LSAMP: variants seen among roughly 807,000 people sequenced by gnomAD.
LSAMP encodes the protein limbic system associated membrane protein.
Under a neutral mutation model 38.6 loss-of-function variants are expected in LSAMP, and 7 were observed. The observed-to-expected ratio is 0.18, with a 90% CI of 0.10 to 0.34. The LOEUF (loss-of-function observed/expected upper bound fraction) is 0.34, where lower values mean the gene tolerates loss of function less well. Among genes scored for constraint, LSAMP ranks in the 10% least tolerant of loss-of-function variants. The pLI, the probability that LSAMP is intolerant of heterozygous loss-of-function variation, is 1.00. For missense variants in LSAMP, 313 were observed against 420.0 expected (o/e 0.75, Z 2.23); for synonymous variants, 154 against 166.8 (o/e 0.92, Z 0.59).
At chr3:116,034,235 C>T (rs965349103) in intron 2 of LSAMP, among the ~76,000 whole-genome samples, 1 of 152,076 alleles carries the variant, frequency 6.6e-6, no homozygotes, top group Admixed American at 6.6e-5. Context: ...AAGGCAGAGA[C>T]ACATGCAGCA....
chr3:116,353,888 A>C (rs140864209), intron 1 of LSAMP, among the ~76,000 whole-genome samples: 101 of 152,272 alleles, frequency 6.6e-4, no homozygotes, highest in African/African-American at 2.1e-3. Context: ...AATTAAAATA[A>C]AGTTCATAAA....
intron 1 of LSAMP, among the ~76,000 whole-genome samples, chr3:116,179,697 A>C (rs115257701): frequency 6.6e-6 from 1 of 152,064 alleles, no homozygotes. Context: ...CACTGTCATG[A>C]GAACAGCAAG....
intron 1 of LSAMP, among the ~76,000 whole-genome samples, chr3:116,290,958 A>C (rs1384880701): frequency 6.6e-6 from 1 of 151,996 alleles, no homozygotes; most frequent in East Asian, 1.9e-4. Flanking sequence ...ATTTCACTGA[A>C]GATGCTTCAT....
At chr3:116,330,526 A>G (rs886563042) in intron 1 of LSAMP, among the ~76,000 whole-genome samples, 2 of 152,090 alleles carry the variant, frequency 1.3e-5, no homozygotes, top group Non-Finnish European at 2.9e-5. Flanking sequence ...AGATTTCCAG[A>G]GGACTTAAAG....
chr3:115,897,557 A>G (rs1214517200), intron 3 of LSAMP, among the ~76,000 whole-genome samples: 1 of 152,152 alleles, frequency 6.6e-6, no homozygotes, highest in East Asian at 1.9e-4. Context: ...TTTCAGAAAG[A>G]TAAAGTCTAT....
intron 3 of LSAMP, among the ~76,000 whole-genome samples, chr3:115,865,934 G>T (rs976853936): frequency 2.6e-5 from 4 of 152,132 alleles, no homozygotes; most frequent in African/African-American, 9.7e-5. Flanking sequence ...TCAACATTCT[G>T]CCTTGAGCTC....
intron 1 of LSAMP, among the ~76,000 whole-genome samples, chr3:116,155,103 A>T (rs1240144020): frequency 6.6e-6 from 1 of 152,090 alleles, no homozygotes; most frequent in Non-Finnish European, 1.5e-5. Context: ...ACATAACACC[A>T]GACACTTCTG....
intron 1 of LSAMP, among the ~76,000 whole-genome samples, chr3:116,217,816 T>C (rs1046951097): frequency 6.6e-6 from 1 of 152,196 alleles, no homozygotes; most frequent in African/African-American, 2.4e-5. Flanking sequence ...TGTAGCACAC[T>C]GCTTATATAT....
chr3:115,806,456 C>T lies in LSAMP; in HGVS notation c.*3861G>A, dbSNP rs1299937493. 2 of 152,184 alleles carry T rather than the reference C, an allele frequency of 1.3e-5. No individual in the cohort carries two copies. Among genetic ancestry groups the T allele is most frequent in the Non-Finnish European group, 2.9e-5 (2 of 68,028 alleles). 9.4% of individuals were successfully genotyped at this position (152,184 alleles called of 1,614,324 possible). ...CAACTCAGGGATGGAATCTGCGACT[C>T]TGGAGGATTCAAGAAGCTCACAACT... is the stretch of plus-strand genomic sequence containing the variant. On this transcript the variant is annotated 3_prime_UTR_variant, in exon 7 of 7. Coordinates refer to ENST00000490035, the MANE Select transcript of LSAMP (RefSeq NM_002338.5).
intron 1 of LSAMP, among the ~76,000 whole-genome samples, chr3:116,140,871 A>C (rs1709353637): frequency 6.6e-6 from 1 of 151,980 alleles, no homozygotes; most frequent in Non-Finnish European, 1.5e-5. Context: ...AAGGAAATTC[A>C]GGTTTCTGGA....
chr3:116,423,279 T>A (rs2049153921), intron 1 of LSAMP, among the ~76,000 whole-genome samples: 1 of 152,166 alleles, frequency 6.6e-6, no homozygotes, highest in East Asian at 1.9e-4. Flanking sequence ...GAAAGTGGAA[T>A]TCCTTCCTCA....
At chr3:115,930,640 A>G (rs1937566633) in intron 3 of LSAMP, among the ~76,000 whole-genome samples, 1 of 152,230 alleles carries the variant, frequency 6.6e-6, no homozygotes, top group African/African-American at 2.4e-5. Flanking sequence ...CCAACAGCCT[A>G]CAATCCAAAT....
At chr3:115,912,746 C>T (rs1937162761) in intron 3 of LSAMP, among the ~76,000 whole-genome samples, 1 of 152,142 alleles carries the variant, frequency 6.6e-6, no homozygotes, top group Non-Finnish European at 1.5e-5. Flanking sequence ...CCTATTCTGC[C>T]TCTTTTTTGG....
chr3:116,163,330 GT>G (rs1158353363), intron 1 of LSAMP, among the ~76,000 whole-genome samples: 1 of 149,804 alleles, frequency 6.7e-6, no homozygotes, highest in Non-Finnish European at 1.5e-5. Flanking sequence ...GTGGTGTTTG[GT>G]TTTTTGTTCT....
intron 1 of LSAMP, among the ~76,000 whole-genome samples, chr3:116,117,136 A>G (rs1559749469): frequency 6.6e-6 from 1 of 152,218 alleles, no homozygotes. Context: ...CTATCACAGA[A>G]AAGTGATATC....
At chr3:115,983,937 A>G (rs1018929185) in intron 3 of LSAMP, among the ~76,000 whole-genome samples, 2 of 152,216 alleles carry the variant, frequency 1.3e-5, no homozygotes, top group African/African-American at 2.4e-5. Flanking sequence ...TTACACAGAA[A>G]TAGAGGTTGC....
intron 1 of LSAMP, among the ~76,000 whole-genome samples, chr3:116,243,818 T>C (rs2046570445): frequency 6.6e-6 from 1 of 152,210 alleles, no homozygotes; most frequent in South Asian, 2.1e-4. Context: ...GACATTTTTC[T>C]TTTTTTAACT....
At chr3:116,100,584 G>A (rs1017990704) in intron 1 of LSAMP, among the ~76,000 whole-genome samples, 4 of 152,002 alleles carry the variant, frequency 2.6e-5, no homozygotes, top group Non-Finnish European at 4.4e-5. Context: ...GCATCACTAC[G>A]TAGATTTCCA....
At chr3:115,920,885 CAT>C (rs111648586) in intron 3 of LSAMP, among the ~76,000 whole-genome samples, 4,662 of 148,388 alleles carry the variant, frequency 0.031, 225 homozygotes, top group African/African-American at 0.11. Context: ...ATGTTGGGTG[CAT>C]ATATATATAT....
Sources: allele counts gnomAD v4.1 joint callset (sites outside exome capture counted in the v4.1 genomes callset), GRCh38; gene constraint gnomAD v4.1.1; transcripts MANE v1.5; gene names NCBI Gene and HGNC (gene_info 2026-07-23, HGNC 2026-07-21).